Variants in MIA2 observed in about 807,000 individuals in gnomAD.
MIA2 encodes the protein melanoma inhibitory activity protein 2.
In MIA2, 127 loss-of-function variants were observed where a neutral mutation model predicts 167.8. That is an observed-to-expected ratio of 0.76 (90% CI 0.66 to 0.88). The LOEUF is 0.88. Among genes scored for constraint, MIA2 ranks in the 40% least tolerant of loss-of-function variants. The pLI is 0.00. For missense variants in MIA2, 1,690 were observed against 1,624.7 expected, an observed-to-expected ratio of 1.04 and a Z score of -0.69; for synonymous variants, 552 against 541.9, an observed-to-expected ratio of 1.02 and a Z score of -0.26.
chr14:39,356,326 C>G (rs147522300), downstream of MIA2, among the ~76,000 whole-genome samples: 4,134 of 152,242 alleles, frequency 0.027, 167 homozygotes, highest in African/African-American at 0.09. Flanking sequence ...TCCAGATTTT[C>G]TAGTTTATTT....
intron 18 of MIA2, among the ~76,000 whole-genome samples, chr14:39,308,883 A>G (rs1227813886): frequency 6.6e-6 from 1 of 152,080 alleles, no homozygotes; most frequent in Non-Finnish European, 1.5e-5. Flanking sequence ...CTGAATGGAC[A>G]CTCTTGATTA....
At position 39,347,716 on chromosome 14, in the gene MIA2, G is replaced by T. The variant is rs771561673; in HGVS notation, c.3782G>T (p.Gly1261Val). The T allele has an allele frequency of 1.9e-6, 3 of 1,613,044 alleles. No individual in the cohort carries two copies. Among genetic ancestry groups the T allele is most frequent in the Non-Finnish European group, 2.5e-6 (3 of 1,179,524 alleles). The change falls in exon 27 of 29, where the codon GGG (glycine) becomes GTG (valine). Residue 1261 changes from glycine to valine, a missense_variant. Transcript: ENST00000640607. ...ATGGTTTAACTTTTATGTCTAGATG[G>T]GTCAATGCCTTCAGAAATGGAATCC... ...FNMPSLDKMDGSMPSEMESSR... is the reference protein window; with the variant it reads ...FNMPSLDKMDVSMPSEMESSR...
chr14:39,335,599 T>C (rs1314928089), intron 25 of MIA2, among the ~76,000 whole-genome samples: 1 of 151,598 alleles, frequency 6.6e-6, no homozygotes. Context: ...TTTTAAAAAA[T>C]ATTTTAATAA....
chr14:39,244,727 C>G (rs1304709348), intron 3 of MIA2, among the ~76,000 whole-genome samples: 1 of 151,742 alleles, frequency 6.6e-6, no homozygotes, highest in Admixed American at 6.6e-5. Context: ...TAGATCCTCA[C>G]TTCCATTGGC....
chr14:39,238,177 GT>G (rs553000757), intron 2 of MIA2, among the ~76,000 whole-genome samples: 26 of 145,382 alleles, frequency 1.8e-4, no homozygotes, highest in Non-Finnish European at 2.6e-4. Context: ...AGGTGTACAA[GT>G]TTTTTTTTTT....
At chr14:39,383,928 C>G (rs1437594792) in intron 23 of MIA2, among the ~76,000 whole-genome samples, 1 of 152,150 alleles carries the variant, frequency 6.6e-6, no homozygotes, top group Non-Finnish European at 1.5e-5. Context: ...GAAGTCATCT[C>G]CCTAAAAATG....
At chr14:39,283,475 A>G (rs1187622461) in intron 9 of MIA2, among the ~76,000 whole-genome samples, 2 of 152,208 alleles carry the variant, frequency 1.3e-5, no homozygotes, top group Non-Finnish European at 2.9e-5. Context: ...ATGTTGAAGA[A>G]AACAATGTTA....
intron 15 of MIA2, among the ~76,000 whole-genome samples, chr14:39,302,794 T>TA (rs369491319): frequency 3.3e-5 from 5 of 151,860 alleles, no homozygotes; most frequent in Non-Finnish European, 7.4e-5. Flanking sequence ...TCCTTTGACC[T>TA]AAAAAAAACC....
rs747672789 is a variant in MIA2, at chr14:39,253,067, A to G, written c.1787-4A>G. On this transcript the variant is annotated splice_region_variant and splice_polypyrimidine_tract_variant and intron_variant, in intron 5 of 28. Transcript: ENST00000640607. The stretch of plus-strand genomic sequence containing the variant: ...CTAACATATTTTTATTTATAAATCA[A>G]CAGAAGATGCTTCTGAGTTTCAGAT... The G allele has an allele frequency of 3.8e-6, 6 of 1,583,216 alleles. No individual in the cohort carries two copies. In the African/African-American group the frequency reaches 5.5e-5, roughly 14 times the overall value.
intron 25 of MIA2, among the ~76,000 whole-genome samples, chr14:39,343,184 G>C (rs1485871338): frequency 6.6e-6 from 1 of 151,964 alleles, no homozygotes; most frequent in Non-Finnish European, 1.5e-5. Flanking sequence ...TTGCTTTGTC[G>C]CTCAGGCTGG....
chr14:39,266,761 C>T, intron 6 of MIA2: 4 of 984,540 alleles, frequency 4.1e-6, no homozygotes, highest in Non-Finnish European at 4.8e-6. Context: ...TTCTGCAGGG[C>T]GCAGACAGCA....
chr14:39,326,392 A>G (rs1202121576), intron 24 of MIA2, among the ~76,000 whole-genome samples: 1 of 152,114 alleles, frequency 6.6e-6, no homozygotes, highest in Non-Finnish European at 1.5e-5. Context: ...AGAAGTAGAG[A>G]GTCATGTTTT....
At chr14:39,381,820 C>A (rs1192318538) in intron 23 of MIA2, among the ~76,000 whole-genome samples, 5 of 151,238 alleles carry the variant, frequency 3.3e-5, no homozygotes, top group Non-Finnish European at 7.4e-5. Flanking sequence ...AAAACAAAAA[C>A]AAAAAAACCA....
chr14:39,339,940 G>C (rs1308011644), intron 25 of MIA2, among the ~76,000 whole-genome samples: 5 of 152,186 alleles, frequency 3.3e-5, no homozygotes, highest in African/African-American at 1.2e-4. Flanking sequence ...CGACCTCCTG[G>C]GCCCAAGTGA....
At chr14:39,290,021 A>G (rs111580577) in intron 9 of MIA2, among the ~76,000 whole-genome samples, 72 of 152,288 alleles carry the variant, frequency 4.7e-4, no homozygotes, top group African/African-American at 1.6e-3. Context: ...ATAATTCTGG[A>G]TGCTTTTTCC....
intron 23 of MIA2, among the ~76,000 whole-genome samples, chr14:39,357,175 T>C (rs1170986179): frequency 6.6e-6 from 1 of 152,118 alleles, no homozygotes; most frequent in Non-Finnish European, 1.5e-5. Flanking sequence ...CGTTATTATT[T>C]TGTGGGAGTC....
chr14:39,330,986 C>T (rs748658364), intron 25 of MIA2, among the ~76,000 whole-genome samples: 1 of 152,018 alleles, frequency 6.6e-6, no homozygotes, highest in Non-Finnish European at 1.5e-5. Flanking sequence ...CCGCTTGGTC[C>T]AGAGCTGAAT....
In MIA2 at chr14:39,267,403, A is replaced by T. The variant is rs987957599; in HGVS notation, c.1888-9531A>T. ...GAAGGCTGTGTGTTCTCCGCCGTTT[A>T]TTGTGGCCCCGACAGGCCGGGGTTA... On this transcript the variant is annotated intron_variant, in intron 6 of 28. Coordinates refer to ENST00000640607, the MANE Select transcript of MIA2 (RefSeq NM_001329214.4). 3 of 1,607,368 alleles carry T rather than the reference A, an allele frequency of 1.9e-6. No homozygotes were observed. The African/African-American group carries it at 4.0e-5, about 22-fold the overall frequency.
rs1310522179 is a variant in MIA2 at position 39,385,231 on chromosome 14, A to G, written c.2249-1654A>G. Reference sequence around the variant, plus strand: ...GACAAACCCAAAGATCTACAAAACCAACACCCATGTCATTTTAAATGATGA... The same window carrying G: ...GACAAACCCAAAGATCTACAAAACCGACACCCATGTCATTTTAAATGATGA... On this transcript the variant is annotated intron_variant, in intron 23 of 23. Transcript: ENST00000341502. Among the ~76,000 whole-genome samples the G allele has an allele frequency of 2.0e-5, 3 of 152,202 alleles. No homozygotes were observed. In the East Asian group the frequency reaches 5.8e-4, roughly 29 times the overall value.
Sources: gnomAD v4.1 joint callset for allele counts (sites outside exome capture counted in the v4.1 genomes callset) on GRCh38, gnomAD v4.1.1 for gene constraint, MANE v1.5 for transcripts, NCBI Gene and HGNC (gene_info 2026-07-23, HGNC 2026-07-21) for gene names.